CDH13: variants seen among roughly 807,000 people sequenced by gnomAD.
CDH13 encodes the protein cadherin 13, also known as cadherin-13.
CDH13 carries 24 observed loss-of-function variants against 63.8 expected under a neutral mutation model. The ratio of observed to expected loss-of-function variants is 0.38; its 90% confidence interval spans 0.27 to 0.53. The LOEUF (loss-of-function observed/expected upper bound fraction) is 0.53. Ranked by LOEUF, CDH13 falls within the 20% of genes least tolerant of loss-of-function variation. The pLI is 0.85. For missense variants in CDH13, 1,049 were observed against 903.1 expected, an observed-to-expected ratio of 1.16 and a Z score of -2.07; for synonymous variants, 503 against 355.3, an observed-to-expected ratio of 1.42 and a Z score of -4.67.
intron 12 of CDH13, among the ~76,000 whole-genome samples, chr16:83,780,648 C>T (rs1245273292): frequency 6.6e-6 from 1 of 152,182 alleles, no homozygotes; most frequent in East Asian, 1.9e-4. Flanking sequence ...GTAGTTTCTG[C>T]CATCCCAGAG....
rs569182410 is a variant in CDH13 at position 83,623,297 on chromosome 16, C to A, written c.1101+20703C>A. Among the ~76,000 whole-genome samples the A allele has an allele frequency of 1.4e-3, 212 of 152,298 alleles. 1 individual carries two copies. Among genetic ancestry groups the A allele is most frequent in the Middle Eastern group, 3.4e-3 (1 of 294 alleles). ...TTCCCTCGAGTTCCCCCAAATCACT[C>A]CCCAGTCACGATTAACGGGCTCTCT... On this transcript the variant is annotated intron_variant, in intron 8 of 13. Transcript: ENST00000567109.
intron 10 of CDH13, among the ~76,000 whole-genome samples, chr16:83,685,144 A>G (rs1000265094): frequency 3.3e-5 from 5 of 152,150 alleles, no homozygotes; most frequent in African/African-American, 1.2e-4. Context: ...CCACATTTTT[A>G]TTTAAATTTT....
At chr16:82,934,775 A>C (rs2042613118) in intron 2 of CDH13, among the ~76,000 whole-genome samples, 1 of 152,234 alleles carries the variant, frequency 6.6e-6, no homozygotes, top group African/African-American at 2.4e-5. Context: ...AAAGCATAGC[A>C]AGAGTGACCT....
At chr16:83,497,689 G>A (rs1437239846) in intron 7 of CDH13, among the ~76,000 whole-genome samples, 1 of 151,914 alleles carries the variant, frequency 6.6e-6, no homozygotes, top group African/African-American at 2.4e-5. Context: ...ATTATAAAAA[G>A]CATTTTAAAG....
intron 5 of CDH13, among the ~76,000 whole-genome samples, chr16:83,282,981 G>A (rs139757552): frequency 1.7e-4 from 26 of 152,240 alleles, no homozygotes; most frequent in African/African-American, 5.3e-4. Context: ...GGTAAACTCC[G>A]AATTAATTCT....
chr16:83,247,675 C>T (rs1444913611), intron 5 of CDH13, among the ~76,000 whole-genome samples: 2 of 152,150 alleles, frequency 1.3e-5, no homozygotes, highest in Non-Finnish European at 2.9e-5. Context: ...CATCATTTTT[C>T]ACTGTTTTAA....
At chr16:83,043,550 C>T (rs1917516628) in intron 3 of CDH13, among the ~76,000 whole-genome samples, 1 of 149,494 alleles carries the variant, frequency 6.7e-6, no homozygotes, top group African/African-American at 2.5e-5. Context: ...ATATATCTAA[C>T]ATATTATCAT....
chr16:82,756,304 T>C (rs961888833), intron 1 of CDH13, among the ~76,000 whole-genome samples: 2 of 152,164 alleles, frequency 1.3e-5, no homozygotes, highest in African/African-American at 4.8e-5. Context: ...TGAAAAGTGA[T>C]ATCCTTCTGA....
chr16:83,573,989 C>A (rs1031437076), intron 7 of CDH13, among the ~76,000 whole-genome samples: 2 of 152,084 alleles, frequency 1.3e-5, no homozygotes, highest in Admixed American at 6.5e-5. Context: ...AGATGAGGAT[C>A]CCCAGATACG....
chr16:83,447,211 T>C (rs1197793560), intron 6 of CDH13, among the ~76,000 whole-genome samples: 1 of 145,976 alleles, frequency 6.9e-6, no homozygotes, highest in Non-Finnish European at 1.5e-5. Flanking sequence ...GGTCAGGAGT[T>C]CGAGACCAGC....
At chr16:83,184,521 G>A (rs2038453407) in intron 4 of CDH13, among the ~76,000 whole-genome samples, 1 of 152,132 alleles carries the variant, frequency 6.6e-6, no homozygotes, top group Non-Finnish European at 1.5e-5. Flanking sequence ...TTGGGAGGCT[G>A]AGGTGGGTGG....
chr16:82,682,441 C>T (rs894072863), intron 1 of CDH13, among the ~76,000 whole-genome samples: 1 of 152,190 alleles, frequency 6.6e-6, no homozygotes, highest in Non-Finnish European at 1.5e-5. Context: ...GGCATCTGGT[C>T]AGTATTTCAA....
intron 1 of CDH13, among the ~76,000 whole-genome samples, chr16:82,730,102 C>T (rs959911139): frequency 2.0e-5 from 3 of 152,178 alleles, no homozygotes; most frequent in Non-Finnish European, 1.5e-5. Context: ...GACTTTCTCC[C>T]CATCAGCAAT....
Position 83,582,310 on chromosome 16 carries a change from C to G in CDH13, c.961-20144C>G, listed in dbSNP as rs550307475. ...TTTTTTTTCCATCAGGCCCATAAGA[C>G]AATTTAAAGGAATGAAAAAATATGT... is the stretch of plus-strand genomic sequence containing the variant. On this transcript the variant is annotated intron_variant, in intron 7 of 13. Coordinates refer to ENST00000567109, the MANE Select transcript of CDH13 (RefSeq NM_001257.5). Among the ~76,000 whole-genome samples the G allele has an allele frequency of 4.0e-5, 6 of 151,826 alleles. No homozygotes were observed. In the South Asian group the frequency reaches 1.2e-3, roughly 32 times the overall value.
At chr16:83,602,108 A>C (rs1598354574) in intron 7 of CDH13, among the ~76,000 whole-genome samples, 1 of 11,188 alleles carries the variant, frequency 8.9e-5, no homozygotes, top group East Asian at 1.5e-3. Flanking sequence ...GAACAACAAC[A>C]AAAAAAAAAA....
intron 5 of CDH13, among the ~76,000 whole-genome samples, chr16:83,299,292 GA>G (rs11308841): frequency 0.97 from 138,506 of 143,392 alleles, 66,939 homozygotes; most frequent in South Asian, 1. Flanking sequence ...ATCAGGCCAT[GA>G]AAAAAAAAAA....
At chr16:82,916,171 A>G (rs2041981327) in intron 2 of CDH13, among the ~76,000 whole-genome samples, 1 of 152,214 alleles carries the variant, frequency 6.6e-6, no homozygotes, top group Non-Finnish European at 1.5e-5. Context: ...CTTTCAATAT[A>G]CATCGATTGC....
intron 7 of CDH13, among the ~76,000 whole-genome samples, chr16:83,601,259 C>G (rs534467379): frequency 3.4e-4 from 51 of 152,220 alleles, no homozygotes; most frequent in African/African-American, 1.2e-3. Context: ...TGGACCAATT[C>G]AAGCAGAAAC....
At chr16:82,710,056 C>G (rs2031790219) in intron 1 of CDH13, among the ~76,000 whole-genome samples, 1 of 150,842 alleles carries the variant, frequency 6.6e-6, no homozygotes. Context: ...CATACACACA[C>G]ACACACTACA....
Sources: allele counts gnomAD v4.1 joint callset (sites outside exome capture counted in the v4.1 genomes callset), GRCh38; gene constraint gnomAD v4.1.1; transcripts MANE v1.5; gene names NCBI Gene and HGNC (gene_info 2026-07-23, HGNC 2026-07-21).